Variants in PCDH7 observed in about 807,000 individuals in gnomAD.
PCDH7 encodes the protein protocadherin-7.
A neutral mutation model predicts 58.9 loss-of-function variants in PCDH7; 17 were observed. That is an observed-to-expected ratio of 0.29 (90% CI 0.20 to 0.43). PCDH7 has a LOEUF of 0.43. Ranked by LOEUF, PCDH7 falls within the 20% of genes least tolerant of loss-of-function variation. The pLI, the probability that PCDH7 is intolerant of heterozygous loss-of-function variation, is 1.00. For synonymous variants in PCDH7, 664 were observed against 616.4 expected, an observed-to-expected ratio of 1.08 and a Z score of -1.14; for missense variants, 1,274 against 1,441.0, an observed-to-expected ratio of 0.88 and a Z score of 1.88.
chr4:31,049,142 C>T (rs1756538341), intron 3 of PCDH7, among the ~76,000 whole-genome samples: 1 of 152,036 alleles, frequency 6.6e-6, no homozygotes, highest in Non-Finnish European at 1.5e-5. Flanking sequence ...AATGCTATCC[C>T]TCCCCACTCC....
intron 3 of PCDH7, among the ~76,000 whole-genome samples, chr4:31,106,023 A>AAAT (rs1553852446): frequency 1.3e-5 from 2 of 148,710 alleles, no homozygotes; most frequent in Non-Finnish European, 3.0e-5. Context: ...AGAAAAAAAA[A>AAAT]ATATATATAT....
rs990033990 is a variant in PCDH7 at position 30,722,714 on chromosome 4, A to G, written c.1292A>G (p.Asn431Ser). ...ATCCCCCTCAAGGACGGGGTGGCCA[A>G]CGTGGCCGAGGACGTTCTGGTCGAC... The change falls in exon 1 of 2, where the codon AAC (asparagine) becomes AGC (serine). Residue 431 changes from asparagine (N) to serine (S), a missense_variant. Physicochemically the swap from Asn to Ser is conservative, Grantham distance 46 (BLOSUM62 1). Around this residue, in one of 3 missense-constraint regions of PCDH7, gnomAD observed 731 missense variants for 881.9 expected, o/e 0.83. Coordinates refer to ENST00000361762, the Ensembl canonical transcript of PCDH7. The surrounding 1 kb of genome is among the most constrained non-coding windows in gnomAD (Gnocchi z 7.6). The G allele has an allele frequency of 7.4e-6, 12 of 1,613,572 alleles. No individual in the cohort carries two copies. The highest frequency in any genetic ancestry group is 1.6e-4 in the Middle Eastern group (1 of 6,062).
chr4:31,112,106 C>G (rs548432736), intron 3 of PCDH7, among the ~76,000 whole-genome samples: 1 of 152,222 alleles, frequency 6.6e-6, no homozygotes, highest in East Asian at 1.9e-4. Flanking sequence ...ATTTATTTTT[C>G]TTGAAATTTC....
Position 30,751,484 on chromosome 4 carries a change from A to C in PCDH7, c.70+26888A>C, listed in dbSNP as rs574604479. Reference sequence around the variant, plus strand: ...AAACACATTGGAAAATATTTCTTATATCATTATCTTTTAGAAAACTGTGAA... The same window carrying C: ...AAACACATTGGAAAATATTTCTTATCTCATTATCTTTTAGAAAACTGTGAA... On this transcript the variant is annotated intron_variant, in intron 1 of 3. Coordinates refer to the PCDH7 transcript ENST00000509759. Among the ~76,000 whole-genome samples the C allele has an allele frequency of 4.6e-5, 7 of 152,314 alleles. No homozygotes were observed. In the South Asian group the frequency reaches 1.2e-3, roughly 27 times the overall value.
At chr4:30,852,800 G>C (rs976393155) in intron 1 of PCDH7, among the ~76,000 whole-genome samples, 3 of 103,186 alleles carry the variant, frequency 2.9e-5, no homozygotes, top group Non-Finnish European at 5.3e-5. Context: ...GTCAGAACCA[G>C]AACTCAAACT....
chr4:30,991,258 C>CAGA (rs1454278805), intron 3 of PCDH7, among the ~76,000 whole-genome samples: 1 of 152,152 alleles, frequency 6.6e-6, no homozygotes, highest in Non-Finnish European at 1.5e-5. Flanking sequence ...TCCCCCAAGT[C>CAGA]AGAAGGTCAG....
intron 1 of PCDH7, among the ~76,000 whole-genome samples, chr4:30,795,349 C>T (rs1724648728): frequency 6.6e-6 from 1 of 152,128 alleles, no homozygotes. Context: ...GGTAAGTGAA[C>T]ATTTTACGTA....
At chr4:31,041,131 G>T (rs981658676) in intron 3 of PCDH7, among the ~76,000 whole-genome samples, 58 of 152,092 alleles carry the variant, frequency 3.8e-4, no homozygotes, top group African/African-American at 1.4e-3. Context: ...TTAGTTTTAT[G>T]CTTGCTTATC....
intron 1 of PCDH7, among the ~76,000 whole-genome samples, chr4:30,818,348 G>A (rs1002421959): frequency 6.6e-5 from 10 of 152,040 alleles, no homozygotes; most frequent in South Asian, 4.1e-4. Flanking sequence ...TCTATGGAGC[G>A]GAATAGGAAA....
chr4:30,951,543 G>T lies in PCDH7; in HGVS notation c.*7+1328G>T, dbSNP rs868742273. On this transcript the variant is annotated intron_variant, in intron 3 of 3. Coordinates refer to the PCDH7 transcript ENST00000509759. ...CAATCTTTCATGTCCACAGGTCTTC[G>T]CACGGTTAGGTCCCTCCGTCTGGAA... is the stretch of plus-strand genomic sequence containing the variant. Among the ~76,000 whole-genome samples the T allele has an allele frequency of 8.0e-4, 121 of 152,134 alleles. 1 individual carries two copies. The highest frequency in any genetic ancestry group is 2.7e-3 in the African/African-American group (113 of 41,510).
At chr4:30,933,081 C>CCG (rs1560513156) in intron 2 of PCDH7, among the ~76,000 whole-genome samples, 1 of 151,348 alleles carries the variant, frequency 6.6e-6, no homozygotes, top group Non-Finnish European at 1.5e-5. Flanking sequence ...GGCTGGAGTG[C>CCG]AGTGGCCTGA....
At chr4:30,805,520 T>C (rs1330402323) in intron 1 of PCDH7, among the ~76,000 whole-genome samples, 3 of 152,182 alleles carry the variant, frequency 2.0e-5, no homozygotes, top group Non-Finnish European at 4.4e-5. Flanking sequence ...TATTAAGTGC[T>C]CAATAACTGC....
chr4:30,865,182 A>G (rs1734716598), intron 1 of PCDH7, among the ~76,000 whole-genome samples: 1 of 151,996 alleles, frequency 6.6e-6, no homozygotes, highest in Non-Finnish European at 1.5e-5. Context: ...TGAAAAAGCC[A>G]TATAAAAAAA....
intron 3 of PCDH7, among the ~76,000 whole-genome samples, chr4:30,966,576 CA>C (rs1267778265): frequency 6.6e-6 from 1 of 151,872 alleles, no homozygotes; most frequent in Admixed American, 6.6e-5. Flanking sequence ...TTTTGACTGT[CA>C]TTTTTTTGTT....
At chr4:30,744,689 C>T (rs952482558) in intron 1 of PCDH7, among the ~76,000 whole-genome samples, 2 of 152,312 alleles carry the variant, frequency 1.3e-5, no homozygotes, top group South Asian at 4.1e-4. Context: ...ATTTCCTTCT[C>T]CTTTATCAGT....
At chr4:30,792,953 A>T (rs1560375504) in intron 1 of PCDH7, among the ~76,000 whole-genome samples, 1 of 152,164 alleles carries the variant, frequency 6.6e-6, no homozygotes, top group Non-Finnish European at 1.5e-5. Context: ...CTTATTACAT[A>T]AAAAAGTATG....
At chr4:31,023,430 G>C (rs1754184290) in intron 3 of PCDH7, among the ~76,000 whole-genome samples, 1 of 152,162 alleles carries the variant, frequency 6.6e-6, no homozygotes, top group Non-Finnish European at 1.5e-5. Flanking sequence ...TTTATAGTCA[G>C]ACAGACCTGA....
Position 30,723,493 on chromosome 4 carries a change from A to G in PCDH7, c.2071A>G (p.Thr691Ala). The G allele has an allele frequency of 6.2e-7, 1 of 1,614,140 alleles. No homozygotes were observed. The highest frequency in any genetic ancestry group is 1.3e-5 in the African/African-American group (1 of 75,050). The stretch of plus-strand genomic sequence containing the variant: ...TAACATTTTTTCTATTGAAAATGAC[A>G]CGGGGACCATTTACTCCACAATGTC... Residue 691 changes from threonine (T) to alanine (A), a missense_variant, in exon 1 of 2, where the codon ACG becomes GCG. Thr to Ala is a moderately conservative substitution (Grantham distance 58). This residue lies in a region of PCDH7 where 731 missense variants were observed against 881.9 expected (regional missense o/e 0.83). Transcript: ENST00000361762. The surrounding 1 kb of genome is among the most constrained non-coding windows in gnomAD (Gnocchi z 4.6).
At chr4:31,128,766 T>A (rs1450490545) in intron 3 of PCDH7, among the ~76,000 whole-genome samples, 1 of 152,210 alleles carries the variant, frequency 6.6e-6, no homozygotes, top group Non-Finnish European at 1.5e-5. Flanking sequence ...AGGCTGGGTT[T>A]GAAGACTGCA....
Sources: allele counts gnomAD v4.1 joint callset (sites outside exome capture counted in the v4.1 genomes callset), GRCh38; gene constraint gnomAD v4.1.1; regional missense constraint gnomAD v4.1.1; non-coding constraint Gnocchi (gnomAD v3.1); transcripts MANE v1.5; gene names NCBI Gene and HGNC (gene_info 2026-07-23, HGNC 2026-07-21).